The following CREBRF variants were observed in gnomAD, a reference collection of about 807,000 sequenced individuals.
The protein encoded by CREBRF is UPF0474 protein C5orf41.
In CREBRF, 5 loss-of-function variants were observed where a neutral mutation model predicts 66.1. The ratio of observed to expected loss-of-function variants is 0.08; its 90% CI spans 0.04 to 0.16. The LOEUF is 0.16. Among genes scored for constraint, CREBRF ranks in the 10% least tolerant of loss-of-function variants. The pLI, the probability that CREBRF is intolerant of heterozygous loss-of-function variation, is 1.00. For missense variants in CREBRF, 531 were observed against 744.9 expected, an observed-to-expected ratio of 0.71 and a Z score of 3.34; for synonymous variants, 229 against 264.4, an observed-to-expected ratio of 0.87 and a Z score of 1.30.
chr5:173,087,567 G>T (rs1346900628), intron 3 of CREBRF, among the ~76,000 whole-genome samples: 1 of 151,750 alleles, frequency 6.6e-6, no homozygotes, highest in African/African-American at 2.4e-5. Flanking sequence ...ATGGTAGTGC[G>T]CACCTGTAGT....
Position 173,121,252 on chromosome 5 carries a change from C to T in CREBRF, c.1682-1828C>T, listed in dbSNP as rs751257250. ...ACCAGCTTTTGGCTTTGTTAATTTT[C>T]CTTATTGTATATTTTCTGTTACATA... On this transcript the variant is annotated intron_variant, in intron 7 of 8. Coordinates refer to ENST00000296953, the MANE Select transcript of CREBRF (RefSeq NM_153607.3). 9.3e-4 allele frequency among the ~76,000 whole-genome samples: 142 copies of T among 151,916 alleles called. 2 individuals carry two copies. Among genetic ancestry groups the T allele is most frequent in the Middle Eastern group, 3.2e-3 (1 of 314 alleles).
intron 1 of CREBRF, among the ~76,000 whole-genome samples, chr5:173,076,341 T>A (rs558449938): frequency 6.6e-6 from 1 of 152,306 alleles, no homozygotes; most frequent in East Asian, 1.9e-4. Flanking sequence ...ATTTCAAACA[T>A]GTTTTGGAGG....
At position 173,056,356 on chromosome 5, in the gene CREBRF, C is replaced by A; in HGVS notation, c.-315C>A. ...CGCGGCCCACGTGAGGGGGGCGAGT[C>A]ACGCGATTTCCGGGAACCCGTCAGG... On this transcript the variant is annotated 5_prime_UTR_variant, in exon 1 of 9. Transcript: ENST00000296953. 2.5e-6 allele frequency: 1 copy of A among 397,972 alleles called. No individual in the cohort carries two copies. The highest frequency in any genetic ancestry group is 4.4e-6 in the Non-Finnish European group (1 of 225,650). 24.7% of individuals were successfully genotyped at this position (397,972 alleles called of 1,614,324 possible). A position where few individuals can be genotyped will look rare whatever the true frequency, so the allele number is the denominator to read the frequency against.
chr5:173,095,202 T>G (rs1398660851), intron 4 of CREBRF, among the ~76,000 whole-genome samples: 1 of 146,560 alleles, frequency 6.8e-6, no homozygotes. Flanking sequence ...TTTTTTTTTT[T>G]TTTTGAGATG....
intron 4 of CREBRF, among the ~76,000 whole-genome samples, chr5:173,095,176 A>G (rs1758446652): frequency 7.0e-6 from 1 of 143,564 alleles, no homozygotes; most frequent in Non-Finnish European, 1.5e-5. Context: ...TGTTATAATT[A>G]CTATAGCTTT....
intron 1 of CREBRF, among the ~76,000 whole-genome samples, chr5:173,056,910 C>T (rs1410268440): frequency 3.6e-5 from 5 of 139,812 alleles, no homozygotes; most frequent in Non-Finnish European, 7.9e-5. Context: ...GGAGGGGAGG[C>T]GAGACTGGCG....
chr5:173,088,643 A>G (rs886535670), intron 3 of CREBRF, among the ~76,000 whole-genome samples: 1 of 152,086 alleles, frequency 6.6e-6, no homozygotes, highest in Non-Finnish European at 1.5e-5. Flanking sequence ...AAAAATAACA[A>G]TTCCAAACAG....
At chr5:173,129,241 C>G (rs1470544722) in intron 8 of CREBRF, among the ~76,000 whole-genome samples, 3 of 147,682 alleles carry the variant, frequency 2.0e-5, no homozygotes, top group South Asian at 4.3e-4. Context: ...CTCAGCCTCC[C>G]GAGTAGCTGG....
chr5:173,108,488 A>G, intron 4 of CREBRF, 136 bp from the exon 5 acceptor site: 1 of 705,556 alleles, frequency 1.4e-6, no homozygotes, highest in South Asian at 1.9e-5. Flanking sequence ...GACCTGGTTT[A>G]TTATCTTTGA....
At chr5:173,092,046 A>C in intron 4 of CREBRF, 14 of 446,872 alleles carry the variant, frequency 3.1e-5, no homozygotes, top group Non-Finnish European at 3.8e-5. Flanking sequence ...GCACCATTGC[A>C]CTCCAGCCTG....
At chr5:173,103,647 A>C (rs919469322) in intron 4 of CREBRF, among the ~76,000 whole-genome samples, 1 of 152,192 alleles carries the variant, frequency 6.6e-6, no homozygotes, top group African/African-American at 2.4e-5. Context: ...GAAAGGTGCA[A>C]AATGGAGTTT....
chr5:173,065,299 G>A (rs898825934), intron 1 of CREBRF, among the ~76,000 whole-genome samples: 2 of 152,172 alleles, frequency 1.3e-5, no homozygotes, highest in African/African-American at 2.4e-5. Flanking sequence ...GTATGAGATG[G>A]TTTGAGCTAA....
chr5:173,071,769 T>C (rs1234596121), intron 1 of CREBRF, among the ~76,000 whole-genome samples: 1 of 151,546 alleles, frequency 6.6e-6, no homozygotes, highest in Non-Finnish European at 1.5e-5. Context: ...TTAATAATTA[T>C]TTTAGGCTGG....
intron 7 of CREBRF, among the ~76,000 whole-genome samples, chr5:173,117,472 T>TCTTTTCCTTTC: frequency 6.6e-6 from 1 of 151,480 alleles, no homozygotes; most frequent in Non-Finnish European, 1.5e-5. Context: ...CTCATTGGCA[T>TCTTTTCCTTTC]CTTTTCCTTT....
intron 1 of CREBRF, among the ~76,000 whole-genome samples, chr5:173,072,477 C>G (rs192037506): frequency 5.5e-4 from 84 of 152,138 alleles, no homozygotes; most frequent in African/African-American, 1.9e-3. Flanking sequence ...GAGGTTTCAC[C>G]GTGTTAGCCA....
At chr5:173,059,450 G>C (rs891957735) in intron 1 of CREBRF, among the ~76,000 whole-genome samples, 7 of 151,724 alleles carry the variant, frequency 4.6e-5, no homozygotes, top group African/African-American at 1.7e-4. Flanking sequence ...TTTTAGTAGA[G>C]ACGGGGTTTC....
intron 1 of CREBRF, chr5:173,068,054 C>T (rs1297763376): frequency 2.4e-5 from 10 of 423,352 alleles, no homozygotes; most frequent in Non-Finnish European, 4.2e-5. Context: ...GTATATCCTC[C>T]CAGTAGAGTG....
At position 173,138,621 on chromosome 5, in the gene CREBRF, C is replaced by G. The variant is rs1458278179; in HGVS notation, c.*4876C>G. ...TGAACTAGGTTCGGTTTGCCTCTTT[C>G]ATAACAATGTAAACACAATGGTGTA... On this transcript the variant is annotated 3_prime_UTR_variant, in exon 9 of 9. Transcript: ENST00000296953. The G allele has an allele frequency of 6.6e-6, 1 of 152,106 alleles. No individual in the cohort carries two copies. The highest frequency in any genetic ancestry group is 1.5e-5 in the Non-Finnish European group (1 of 68,006). 9.4% of individuals were successfully genotyped at this position (152,106 alleles called of 1,614,324 possible). A position where few individuals can be genotyped will look rare whatever the true frequency, so the allele number is the denominator to read the frequency against.
intron 5 of CREBRF, 148 bp from the exon 6 acceptor site, chr5:173,110,374 T>TA: frequency 2.8e-6 from 2 of 721,404 alleles, no homozygotes; most frequent in East Asian, 5.4e-5. Flanking sequence ...CTAGGATAGA[T>TA]TGTTAAACAT....
Sources: gnomAD v4.1 joint callset for allele counts (sites outside exome capture counted in the v4.1 genomes callset) on GRCh38, gnomAD v4.1.1 for gene constraint, MANE v1.5 for transcripts, NCBI Gene and HGNC (gene_info 2026-07-23, HGNC 2026-07-21) for gene names.